The following TERF1 variants were observed in gnomAD, a reference collection of about 807,000 sequenced individuals.
TERF1 encodes the protein telomeric repeat binding factor 1.
Under a neutral mutation model 55.1 loss-of-function variants are expected in TERF1, and 20 were observed. The ratio of observed to expected loss-of-function variants is 0.36; its 90% CI spans 0.26 to 0.53. The LOEUF is 0.53. TERF1 is among the 20% of genes least tolerant of loss of function. TERF1 has a pLI of 0.91. For synonymous variants in TERF1, 168 were observed against 181.2 expected, an observed-to-expected ratio of 0.93 and a Z score of 0.59; for missense variants, 439 against 535.7, an observed-to-expected ratio of 0.82 and a Z score of 1.78.
chr8:73,031,774 CTTTTCTTTTT>C, intron 7 of TERF1: 1 of 261,792 alleles, frequency 3.8e-6, no homozygotes, highest in Non-Finnish European at 7.1e-6. Flanking sequence ...AGAGTCTTGT[CTTTTCTTTTT>C]TTTGCCTGCT....
chr8:73,047,554 A>G lies in TERF1; in HGVS notation c.*1417A>G, dbSNP rs2129947581. On this transcript the variant is annotated 3_prime_UTR_variant, in exon 10 of 10. Coordinates refer to ENST00000276603, the MANE Select transcript of TERF1 (RefSeq NM_017489.3). ...TTAAAAGATTTAGACTAACAGAATT[A>G]TTTAGCATTTCGAGTCATGTGCTTT... 6.6e-6 allele frequency: 1 copy of G among 152,366 alleles called. No individual in the cohort carries two copies. The highest frequency in any genetic ancestry group is 1.9e-4 in the East Asian group (1 of 5,184). 9.4% of individuals were successfully genotyped at this position (152,366 alleles called of 1,614,324 possible).
chr8:73,010,636 T>C (rs1317076010), intron 1 of TERF1: 1 of 152,206 alleles, frequency 6.6e-6, no homozygotes, highest in Non-Finnish European at 1.5e-5. Flanking sequence ...TCACTTGGCT[T>C]TATTGTGATT....
At chr8:73,020,128 A>G (rs900109730) in intron 2 of TERF1, among the ~76,000 whole-genome samples, 4 of 152,214 alleles carry the variant, frequency 2.6e-5, no homozygotes, top group African/African-American at 9.6e-5. Flanking sequence ...CTAGACATGT[A>G]AGACATTATC....
intron 5 of TERF1, among the ~76,000 whole-genome samples, chr8:73,026,082 C>T (rs1394025141): frequency 6.7e-6 from 1 of 148,968 alleles, no homozygotes; most frequent in Non-Finnish European, 1.5e-5. Context: ...CCTGTAGTCC[C>T]AGCTACTTGT....
chr8:73,030,299 T>C, intron 6 of TERF1, 37 bp from the exon 7 acceptor site: 1 of 1,399,102 alleles, frequency 7.1e-7, no homozygotes, highest in Non-Finnish European at 9.7e-7. Flanking sequence ...AAAGTTTCTT[T>C]TGTTTACATT....
chr8:73,025,367 C>T (rs1400434231), intron 5 of TERF1, among the ~76,000 whole-genome samples: 1 of 152,124 alleles, frequency 6.6e-6, no homozygotes, highest in African/African-American at 2.4e-5. Context: ...TGGCTCATGC[C>T]TGTAATGCTA....
chr8:73,034,781 CT>C (rs35508751), intron 8 of TERF1, among the ~76,000 whole-genome samples: 4,881 of 148,172 alleles, frequency 0.033, 158 homozygotes, highest in African/African-American at 0.09. Context: ...GAGATTAGTG[CT>C]TTTTTTTTTT....
At position 73,030,337 on chromosome 8, in the gene TERF1, G is replaced by A; in HGVS notation, c.889G>A (p.Val297Ile). 6.5e-7 allele frequency: 1 copy of A among 1,535,314 alleles called. No homozygotes were observed. Among genetic ancestry groups the A allele is most frequent in the Non-Finnish European group, 8.7e-7 (1 of 1,150,652 alleles). ...TACAAATTTTTTCTTCTTTTAAAGT[G>A]TTAGTGACAAACAGTCTGCGGTAAC... ...TEANLDTRKS[V>I]SDKQSAVTES... Residue 297 changes from valine to isoleucine, a missense_variant and splice_region_variant, in exon 7 of 10, where the codon GTT becomes ATT. Val to Ile is a conservative substitution (Grantham distance 29). Coordinates refer to ENST00000276603, the MANE Select transcript of TERF1 (RefSeq NM_017489.3).
rs192242402 is a variant in TERF1 at position 73,046,526 on chromosome 8, C to A, written c.*389C>A. ...TTTCTTTTTTTTTAAGACAGAGTTT[C>A]TCTCTGTTGCCCAGGCTGGAGTGCA... On this transcript the variant is annotated 3_prime_UTR_variant, in exon 10 of 10. Coordinates refer to ENST00000276603, the MANE Select transcript of TERF1 (RefSeq NM_017489.3). 3.5e-3 allele frequency: 538 copies of A among 152,546 alleles called. No individual in the cohort carries two copies. The highest frequency in any genetic ancestry group is 5.7e-3 in the Non-Finnish European group (388 of 68,384). The allele number at this position is 152,546 out of a possible 1,614,324, so 9.4% of individuals were successfully genotyped here.
chr8:73,037,899 TATAA>T (rs1313395818), intron 8 of TERF1, among the ~76,000 whole-genome samples: 1 of 123,402 alleles, frequency 8.1e-6, no homozygotes, highest in East Asian at 2.1e-4. Context: ...ATATAATATA[TATAA>T]ATATGATATA....
At chr8:73,025,802 C>T (rs1433613841) in intron 5 of TERF1, among the ~76,000 whole-genome samples, 1 of 147,552 alleles carries the variant, frequency 6.8e-6, no homozygotes, top group East Asian at 2.0e-4. Context: ...TGGCATACAC[C>T]TGTAGTCCCA....
chr8:73,016,669 C>T (rs1313905601), intron 2 of TERF1, among the ~76,000 whole-genome samples: 2 of 152,058 alleles, frequency 1.3e-5, no homozygotes, highest in African/African-American at 4.8e-5. Flanking sequence ...CTTAAGTGAT[C>T]CTCCCGCCTA....
intron 2 of TERF1, among the ~76,000 whole-genome samples, chr8:73,018,789 C>A (rs1235444656): frequency 6.6e-6 from 1 of 152,164 alleles, no homozygotes; most frequent in Admixed American, 6.5e-5. Context: ...TAGAAAAATA[C>A]ACTTAAGTGG....
intron 1 of TERF1, 98 bp downstream of exon 1, chr8:73,009,303 G>GTCGGGAGAGA: frequency 8.9e-6 from 11 of 1,238,258 alleles, no homozygotes; most frequent in Non-Finnish European, 1.2e-5. Flanking sequence ...GCCGAGGGAG[G>GTCGGGAGAGA]GGCTGCTGCG....
At position 73,037,686 on chromosome 8, in the gene TERF1, ATAT is replaced by A. The variant is rs1388920150; in HGVS notation, c.1040-1426_1040-1424del. Among the ~76,000 whole-genome samples, 97 of 51,476 alleles carry A rather than the reference ATAT, an allele frequency of 1.9e-3. 4 individuals are homozygous for A. Among genetic ancestry groups the A allele is most frequent in the African/African-American group, 8.0e-3 (96 of 12,000 alleles). The allele number at this position is 51,476 out of a possible 152,430, so 33.8% of individuals were successfully genotyped here. A position where few individuals can be genotyped will look rare whatever the true frequency, so the allele number is the denominator to read the frequency against. On this transcript the variant is annotated intron_variant, in intron 8 of 9. Coordinates refer to ENST00000276603, the MANE Select transcript of TERF1 (RefSeq NM_017489.3). The stretch of plus-strand genomic sequence containing the variant: ...AATAATATTATATTATATATAATAT[ATAT>A]TATATAGTATAATATTATATTATAT...
intron 2 of TERF1, among the ~76,000 whole-genome samples, chr8:73,019,209 G>T (rs9298213): frequency 1.3e-5 from 2 of 151,686 alleles, no homozygotes; most frequent in African/African-American, 4.8e-5. Flanking sequence ...CCTCAGATGT[G>T]GTGTGGGGGT....
At chr8:73,037,487 A>T (rs984475617) in intron 8 of TERF1, among the ~76,000 whole-genome samples, 1 of 104,344 alleles carries the variant, frequency 9.6e-6, no homozygotes, top group Admixed American at 1.3e-4. Flanking sequence ...AAATATATTT[A>T]TATATAATAA....
chr8:73,041,535 G>A (rs1809832446), intron 9 of TERF1, among the ~76,000 whole-genome samples: 1 of 152,186 alleles, frequency 6.6e-6, no homozygotes, highest in Non-Finnish European at 1.5e-5. Flanking sequence ...GGTGAGACAT[G>A]AAGGCTAGAG....
chr8:73,034,122 TTTG>T (rs1809413146), intron 8 of TERF1, among the ~76,000 whole-genome samples: 1 of 17,338 alleles, frequency 5.8e-5, no homozygotes, highest in Non-Finnish European at 1.6e-4. Flanking sequence ...CTGCTATTTT[TTTG>T]TTTGTTTGTT....
Sources: allele counts gnomAD v4.1 joint callset (sites outside exome capture counted in the v4.1 genomes callset), GRCh38; gene constraint gnomAD v4.1.1; transcripts MANE v1.5; gene names NCBI Gene and HGNC (gene_info 2026-07-23, HGNC 2026-07-21).